ABHD2: variants seen among roughly 807,000 people sequenced by gnomAD.
ABHD2 encodes abhydrolase domain containing 2, acylglycerol lipase.
Under a neutral mutation model 48.1 loss-of-function variants are expected in ABHD2, and 20 were observed. The observed-to-expected ratio is 0.42, with a 90% CI of 0.29 to 0.60. The LOEUF is 0.60. Among genes scored for constraint, ABHD2 ranks in the 20% least tolerant of loss-of-function variants. ABHD2 has a pLI of 0.24. For missense variants in ABHD2, 405 were observed against 550.9 expected, an observed-to-expected ratio of 0.74 and a Z score of 2.65; for synonymous variants, 209 against 214.2, an observed-to-expected ratio of 0.98 and a Z score of 0.21.
chr15:89,185,552 A>G lies in ABHD2; in HGVS notation c.815+36A>G, dbSNP rs771391249. The G allele has an allele frequency of 1.2e-5, 19 of 1,576,684 alleles. No individual in the cohort carries two copies. Among genetic ancestry groups the G allele is most frequent in the Non-Finnish European group, 1.7e-5 (19 of 1,146,086 alleles). On this transcript the variant is annotated intron_variant, in intron 7 of 10. Transcript: ENST00000352732. The surrounding 1 kb of genome is among the most constrained non-coding windows in gnomAD (Gnocchi z 5.9). ...TTCCGTTCTCTCTCAGGAGACAGAC[A>G]GTTCCTTCCTGAGCTCATCTGGGAA...
rs117604433 is a variant in ABHD2, at chr15:89,122,161, C to G, written c.194+5640C>G. Among the ~76,000 whole-genome samples the G allele has an allele frequency of 8.0e-3, 1,218 of 152,370 alleles. 15 individuals carry two copies. Among genetic ancestry groups the G allele is most frequent in the Non-Finnish European group, 0.012 (817 of 68,038 alleles). ...AGCATCAGTTCTGAGATACTATTCT[C>G]TAACTTGCCGCCCTACTCCTCTTTA... On this transcript the variant is annotated intron_variant, in intron 3 of 10. Transcript: ENST00000352732.
intron 4 of ABHD2, among the ~76,000 whole-genome samples, chr15:89,153,337 G>A (rs2050622884): frequency 6.6e-6 from 1 of 152,338 alleles, no homozygotes; most frequent in African/African-American, 2.4e-5. Flanking sequence ...CCATGGAAGA[G>A]ATGAATACAT....
Position 89,195,967 on chromosome 15 carries a change from C to G in ABHD2, c.*544C>G, listed in dbSNP as rs1474534467. 2 of 152,650 alleles carry G rather than the reference C, an allele frequency of 1.3e-5. No individual in the cohort carries two copies. Among genetic ancestry groups the G allele is most frequent in the Non-Finnish European group, 2.9e-5 (2 of 68,110 alleles). The allele number at this position is 152,650 out of a possible 1,614,324, so 9.5% of individuals were successfully genotyped here. A position where few individuals can be genotyped will look rare whatever the true frequency, so the allele number is the denominator to read the frequency against. ...AAAGGAAATTCCTTTGAGTCACAAGCCAAGTTTTCGCCCTGTCTCCTGAGA... is the reference window on the plus strand; with the variant it reads ...AAAGGAAATTCCTTTGAGTCACAAGGCAAGTTTTCGCCCTGTCTCCTGAGA... On this transcript the variant is annotated 3_prime_UTR_variant, in exon 11 of 11. Coordinates refer to ENST00000352732, the MANE Select transcript of ABHD2 (RefSeq NM_152924.5). This position sits in a 1 kb window ranked among gnomAD's most constrained non-coding sequence, Gnocchi z 5.1.
chr15:89,056,535 C>T, the ABHD2 span, among the ~76,000 whole-genome samples: 1 of 151,974 alleles, frequency 6.6e-6, no homozygotes, highest in Non-Finnish European at 1.5e-5. Flanking sequence ...CCCAGCTACT[C>T]AGGAGGCTGA....
chr15:89,124,218 G>A (rs968613454), intron 3 of ABHD2, among the ~76,000 whole-genome samples: 1 of 152,202 alleles, frequency 6.6e-6, no homozygotes, highest in Admixed American at 6.5e-5. Flanking sequence ...TAAAGAGCAC[G>A]GGACTCCATA....
Position 89,184,936 on chromosome 15 carries a change from C to A in ABHD2, c.723-488C>A, listed in dbSNP as rs1405850492. Among the ~76,000 whole-genome samples, 2 of 152,208 alleles carry A rather than the reference C, an allele frequency of 1.3e-5. No homozygotes were observed. Among genetic ancestry groups the A allele is most frequent in the African/African-American group, 2.4e-5 (1 of 41,444 alleles). On this transcript the variant is annotated intron_variant, in intron 6 of 10. Transcript: ENST00000352732. The surrounding 1 kb of genome is among the most constrained non-coding windows in gnomAD (Gnocchi z 5.1). ...AAAGATAGATGTATTTGGAGGAGATCCCAGTTAATGATTTTCCTTTACCTC... is the reference window on the plus strand; with the variant it reads ...AAAGATAGATGTATTTGGAGGAGATACCAGTTAATGATTTTCCTTTACCTC...
rs1256783742 is a variant in ABHD2, at chr15:89,151,017, C to G, written c.195-660C>G. 6.6e-6 allele frequency among the ~76,000 whole-genome samples: 1 copy of G among 152,268 alleles called. No homozygotes were observed. The highest frequency in any genetic ancestry group is 1.5e-5 in the Non-Finnish European group (1 of 68,050). ...AGTCACTCTGTGTTTTTACAATGCA[C>G]CGTTGTTAGCGAGGCTTCATGCCTT... On this transcript the variant is annotated intron_variant, in intron 3 of 10. Transcript: ENST00000352732. The surrounding 1 kb of genome is among the most constrained non-coding windows in gnomAD (Gnocchi z 4.7).
rs2150965184 is a variant in ABHD2, at chr15:89,201,814, C to T, written c.*6391C>T. 1.5e-6 allele frequency: 2 copies of T among 1,324,538 alleles called. No homozygotes were observed. The highest frequency in any genetic ancestry group is 2.2e-6 in the Non-Finnish European group (2 of 925,612). The allele number at this position is 1,324,538 out of a possible 1,614,324, so 82.0% of individuals were successfully genotyped here. On this transcript the variant is annotated 3_prime_UTR_variant, in exon 11 of 11. Transcript: ENST00000352732. ...GAGGCAGACGCCATTGGAGAGACAG[C>T]GCAGAGCAGGGGGCGGCTTGCTCGC...
At position 89,165,007 on chromosome 15, in the gene ABHD2, G is replaced by A. The variant is rs114590132; in HGVS notation, c.538+9473G>A. Among the ~76,000 whole-genome samples, 475 of 152,334 alleles carry A rather than the reference G, an allele frequency of 3.1e-3. 2 individuals are homozygous for A. The highest frequency in any genetic ancestry group is 0.011 in the African/African-American group (449 of 41,566). ...TGAACTTTGGAATTTCTGCAAGGAC[G>A]AGTTTAAGAACCTGCTCGTGTTGAG... On this transcript the variant is annotated intron_variant, in intron 5 of 10. Transcript: ENST00000352732.
the ABHD2 span, among the ~76,000 whole-genome samples, chr15:89,050,930 GATAA>G: frequency 6.6e-6 from 1 of 151,634 alleles, no homozygotes; most frequent in African/African-American, 2.4e-5. Context: ...AAATCTGGAA[GATAA>G]ATTAAAAAAA....
At chr15:89,170,209 C>T (rs147402277) in intron 5 of ABHD2, among the ~76,000 whole-genome samples, 1 of 148,438 alleles carries the variant, frequency 6.7e-6, no homozygotes, top group East Asian at 2.1e-4. Flanking sequence ...GATTCTCCCA[C>T]CTCAGCCTCC....
intron 1 of ABHD2, among the ~76,000 whole-genome samples, chr15:89,101,957 C>T (rs2049707633): frequency 6.6e-6 from 1 of 152,220 alleles, no homozygotes; most frequent in African/African-American, 2.4e-5. Flanking sequence ...ATATGAACAA[C>T]AGTGCACAGC....
At chr15:89,152,440 G>T (rs2050609405) in intron 4 of ABHD2, among the ~76,000 whole-genome samples, 2 of 152,156 alleles carry the variant, frequency 1.3e-5, no homozygotes, top group Admixed American at 6.5e-5. Flanking sequence ...ATGAGGGAGT[G>T]CTTGGAGCCC....
chr15:89,180,996 G>A (rs922233472), intron 6 of ABHD2, among the ~76,000 whole-genome samples: 1 of 152,146 alleles, frequency 6.6e-6, no homozygotes, highest in Middle Eastern at 3.2e-3. Context: ...GGGAGGCCAA[G>A]GCACGCGGAT....
At chr15:89,061,848 A>T in the ABHD2 span, among the ~76,000 whole-genome samples, 27 of 152,170 alleles carry the variant, frequency 1.8e-4, no homozygotes, top group African/African-American at 6.3e-4. Flanking sequence ...TGCTAGGATT[A>T]CAGATGTGAG....
At chr15:89,131,342 C>T (rs1484249839) in intron 3 of ABHD2, among the ~76,000 whole-genome samples, 2 of 152,234 alleles carry the variant, frequency 1.3e-5, no homozygotes, top group Non-Finnish European at 2.9e-5. Context: ...CATACCTCCA[C>T]ACAGCCTCTT....
intron 1 of ABHD2, among the ~76,000 whole-genome samples, chr15:89,112,038 T>TCCAAA (rs2049883798): frequency 6.6e-6 from 1 of 152,146 alleles, no homozygotes; most frequent in Admixed American, 6.5e-5. Flanking sequence ...CTCCAAAGGT[T>TCCAAA]GCATATTCAG....
rs181519776 is a variant in ABHD2 at position 89,161,633 on chromosome 15, T to C, written c.538+6099T>C. ...CCAGACTGGTGTCGAACTCCTGACCTTAGGTGATCCGCCCACCTCGGCCTC... is the reference window on the plus strand; with the variant it reads ...CCAGACTGGTGTCGAACTCCTGACCCTAGGTGATCCGCCCACCTCGGCCTC... On this transcript the variant is annotated intron_variant, in intron 5 of 10. Coordinates refer to ENST00000352732, the MANE Select transcript of ABHD2 (RefSeq NM_152924.5). Among the ~76,000 whole-genome samples the C allele has an allele frequency of 3.1e-3, 472 of 152,286 alleles. 1 individual carries two copies. Among genetic ancestry groups the C allele is most frequent in the African/African-American group, 0.011 (447 of 41,548 alleles).
intron 3 of ABHD2, among the ~76,000 whole-genome samples, chr15:89,129,347 T>G (rs563164800): frequency 2.6e-5 from 4 of 151,868 alleles, no homozygotes; most frequent in African/African-American, 9.7e-5. Flanking sequence ...AAGGAAAACA[T>G]TGAAGAGGGT....
Sources: allele counts gnomAD v4.1 joint callset (sites outside exome capture counted in the v4.1 genomes callset), GRCh38; gene constraint gnomAD v4.1.1; non-coding constraint Gnocchi (gnomAD v3.1); transcripts MANE v1.5; gene names NCBI Gene and HGNC (gene_info 2026-07-23, HGNC 2026-07-21).